Variants in PDE1C observed in about 807,000 individuals in gnomAD.
PDE1C encodes dual specificity calcium/calmodulin-dependent 3',5'-cyclic nucleotide phosphodiesterase 1C.
PDE1C carries 62 observed loss-of-function variants against 93.1 expected under a neutral mutation model. That is an observed-to-expected ratio of 0.67 (90% confidence interval 0.54 to 0.82). The LOEUF (loss-of-function observed/expected upper bound fraction) is 0.82, where lower values mean the gene tolerates loss of function less well. Among genes scored for constraint, PDE1C ranks in the 40% least tolerant of loss-of-function variants. PDE1C has a pLI of 0.00. For synonymous variants in PDE1C, 325 were observed against 310.1 expected (o/e 1.05, Z -0.50); for missense variants, 742 against 884.6 (o/e 0.84, Z 2.04).
intron 2 of PDE1C, among the ~76,000 whole-genome samples, chr7:32,023,803 A>T (rs1028661201): frequency 1.3e-5 from 2 of 152,150 alleles, no homozygotes; most frequent in African/African-American, 4.8e-5. Flanking sequence ...AAGTGTTACC[A>T]TGATGGCACA....
At chr7:31,641,739 G>A in the PDE1C span, among the ~76,000 whole-genome samples, 13 of 152,140 alleles carry the variant, frequency 8.5e-5, no homozygotes, top group Non-Finnish European at 1.6e-4. Flanking sequence ...GCTGAAGCTA[G>A]CAAAGGGTAC....
chr7:32,266,994 C>A (rs1017640707), intron 1 of PDE1C, among the ~76,000 whole-genome samples: 1 of 152,206 alleles, frequency 6.6e-6, no homozygotes, highest in Non-Finnish European at 1.5e-5. Context: ...GGCATTCTCA[C>A]GGTCCAGCAA....
intron 16 of PDE1C, among the ~76,000 whole-genome samples, chr7:31,806,545 T>C (rs1385628235): frequency 6.6e-6 from 1 of 151,898 alleles, no homozygotes; most frequent in Non-Finnish European, 1.5e-5. Context: ...AGGTATGAAA[T>C]AGTACTGCAG....
chr7:32,105,431 T>C (rs1050861132), intron 3 of PDE1C, among the ~76,000 whole-genome samples: 2 of 105,856 alleles, frequency 1.9e-5, no homozygotes, highest in Non-Finnish European at 2.5e-5. Flanking sequence ...AAAAATCTGA[T>C]GAAGAATCAG....
the PDE1C span, among the ~76,000 whole-genome samples, chr7:31,743,766 A>G: frequency 1.3e-5 from 2 of 152,222 alleles, no homozygotes; most frequent in Non-Finnish European, 2.9e-5. Context: ...CTCATACAGT[A>G]GTAACTCCCA....
chr7:32,365,874 C>A (rs1345767516), intron 1 of PDE1C, among the ~76,000 whole-genome samples: 1 of 152,082 alleles, frequency 6.6e-6, no homozygotes, highest in Non-Finnish European at 1.5e-5. Context: ...CCACCCAGAA[C>A]AAAAGCCAGC....
rs573804450 is a variant in PDE1C at position 32,347,051 on chromosome 7, C to A, written c.310+80771G>T. On this transcript the variant is annotated intron_variant, in intron 1 of 1. Transcript: ENST00000672256. ...GCACTAAAACAAACTGAACTGCACA[C>A]TAAAAATGAGTAAATTTTATGGTTG... Among the ~76,000 whole-genome samples the A allele has an allele frequency of 2.6e-5, 4 of 152,300 alleles. No individual in the cohort carries two copies. In the East Asian group the frequency reaches 7.7e-4, roughly 29 times the overall value.
chr7:32,230,938 G>A (rs1807649504), intron 1 of PDE1C, among the ~76,000 whole-genome samples: 2 of 152,124 alleles, frequency 1.3e-5, no homozygotes, highest in Admixed American at 6.5e-5. Context: ...TATAATTGGA[G>A]TCCAATTTTT....
chr7:32,044,174 C>T (rs1416618640), intron 2 of PDE1C, among the ~76,000 whole-genome samples: 2 of 152,050 alleles, frequency 1.3e-5, no homozygotes, highest in African/African-American at 4.8e-5. Context: ...GGTGGAAATA[C>T]CTAAGAAGTT....
In PDE1C at chr7:32,237,742, G is replaced by GTATATA. The variant is rs372356671; in HGVS notation, c.86-28209_86-28204dup. The stretch of plus-strand genomic sequence containing the variant: ...AGCCACTATCCGCACTTGGCTCTGT[G>GTATATA]TATATATATATATATATATACTTTT... On this transcript the variant is annotated intron_variant, in intron 1 of 18. Coordinates refer to the PDE1C transcript ENST00000396193. 6.8e-3 allele frequency among the ~76,000 whole-genome samples: 213 copies of GTATATA among 31,164 alleles called. 6 individuals carry two copies. The highest frequency in any genetic ancestry group is 0.053 in the Middle Eastern group (2 of 38). The allele number at this position is 31,164 out of a possible 152,430, so 20.4% of individuals were successfully genotyped here.
intron 3 of PDE1C, among the ~76,000 whole-genome samples, chr7:32,167,558 G>A (rs1172130320): frequency 6.6e-6 from 1 of 152,106 alleles, no homozygotes; most frequent in East Asian, 1.9e-4. Flanking sequence ...GGGGACAAAA[G>A]GCATAACAGG....
At chr7:31,649,520 C>A in the PDE1C span, among the ~76,000 whole-genome samples, 2 of 152,290 alleles carry the variant, frequency 1.3e-5, no homozygotes, top group Admixed American at 6.5e-5. Flanking sequence ...TTTAGCTAGA[C>A]ACATGGATGC....
intron 17 of PDE1C, among the ~76,000 whole-genome samples, chr7:31,759,258 A>G (rs1184923152): frequency 6.6e-6 from 1 of 152,156 alleles, no homozygotes; most frequent in Non-Finnish European, 1.5e-5. Context: ...CTTGAATTTA[A>G]TGTGGACCAT....
intron 2 of PDE1C, among the ~76,000 whole-genome samples, chr7:31,975,220 T>C (rs962034076): frequency 6.6e-6 from 1 of 151,788 alleles, no homozygotes; most frequent in Non-Finnish European, 1.5e-5. Flanking sequence ...AAATGGGGGG[T>C]TCAAGACACA....
chr7:31,998,026 A>AT (rs1173171560), intron 2 of PDE1C, among the ~76,000 whole-genome samples: 28 of 148,704 alleles, frequency 1.9e-4, no homozygotes, highest in South Asian at 6.3e-4. Flanking sequence ...TTATTTATTT[A>AT]TTTATTTTTT....
intron 1 of PDE1C, among the ~76,000 whole-genome samples, chr7:32,293,736 G>A (rs1439801970): frequency 1.3e-5 from 2 of 152,158 alleles, no homozygotes; most frequent in South Asian, 2.1e-4. Context: ...TCTGAGATAC[G>A]ACTGAGGGAG....
chr7:31,997,003 A>C (rs1784802242), intron 2 of PDE1C, among the ~76,000 whole-genome samples: 1 of 152,234 alleles, frequency 6.6e-6, no homozygotes, highest in South Asian at 2.1e-4. Context: ...GAACATTATC[A>C]GTGCACAGAA....
intron 3 of PDE1C, among the ~76,000 whole-genome samples, chr7:32,140,320 C>T (rs1800442462): frequency 6.6e-6 from 1 of 152,130 alleles, no homozygotes; most frequent in Admixed American, 6.5e-5. Context: ...GATCCCAAAA[C>T]CCACATACTT....
At chr7:31,883,027 T>G (rs1797437533) in intron 2 of PDE1C, among the ~76,000 whole-genome samples, 1 of 152,212 alleles carries the variant, frequency 6.6e-6, no homozygotes, top group Non-Finnish European at 1.5e-5. Context: ...TGAAAATCTT[T>G]GAGAAAATGA....
Sources: gnomAD v4.1 joint callset for allele counts (sites outside exome capture counted in the v4.1 genomes callset) on GRCh38, gnomAD v4.1.1 for gene constraint, MANE v1.5 for transcripts, NCBI Gene and HGNC (gene_info 2026-07-23, HGNC 2026-07-21) for gene names.